Variants in CMSS1 observed in about 807,000 individuals in gnomAD.
CMSS1 encodes the protein cms1 ribosomal small subunit homolog.
Under a neutral mutation model 43.5 loss-of-function variants are expected in CMSS1, and 33 were observed. The ratio of observed to expected loss-of-function variants is 0.76; its 90% CI spans 0.57 to 1.01. CMSS1 has a LOEUF of 1.01. Ranked by LOEUF, CMSS1 falls within the 50% of genes least tolerant of loss-of-function variation. The pLI, the probability that CMSS1 is intolerant of heterozygous loss-of-function variation, is 0.00. For missense variants in CMSS1, 313 were observed against 326.4 expected (o/e 0.96, Z 0.32); for synonymous variants, 115 against 117.2 (o/e 0.98, Z 0.12).
chr3:100,057,137 G>C (rs2065478910), intron 1 of CMSS1, among the ~76,000 whole-genome samples: 1 of 152,218 alleles, frequency 6.6e-6, no homozygotes, highest in East Asian at 1.9e-4. Flanking sequence ...AAGCTCTGGT[G>C]CTGGCAGAGC....
At position 100,094,822 on chromosome 3, in the gene CMSS1, T is replaced by C. The variant is rs533752201; in HGVS notation, c.65-52151T>C. ...CCTCAGCCTCCCAAGTAGCTGGGAC[T>C]ACAGGCACCTGCCACCACACCTGGC... is the stretch of plus-strand genomic sequence containing the variant. On this transcript the variant is annotated intron_variant, in intron 1 of 9. Coordinates refer to ENST00000421999, the MANE Select transcript of CMSS1 (RefSeq NM_032359.4). 1.4e-4 allele frequency among the ~76,000 whole-genome samples: 21 copies of C among 152,032 alleles called. No individual in the cohort carries two copies. The East Asian group carries it at 2.9e-3, about 21-fold the overall frequency.
At chr3:100,144,253 C>G (rs1473959779) in intron 1 of CMSS1, among the ~76,000 whole-genome samples, 3 of 152,140 alleles carry the variant, frequency 2.0e-5, no homozygotes, top group East Asian at 3.8e-4. Context: ...CTCTATGTAG[C>G]CTTTTTAATG....
At chr3:99,819,135 G>A (rs781702709) in intron 1 of CMSS1, among the ~76,000 whole-genome samples, 6 of 152,272 alleles carry the variant, frequency 3.9e-5, no homozygotes, top group East Asian at 1.9e-4. Flanking sequence ...CATTGTTTCC[G>A]GAAGGTCAAG....
intron 1 of CMSS1, among the ~76,000 whole-genome samples, chr3:100,009,508 GA>G (rs140245482): frequency 0.084 from 12,815 of 152,082 alleles, 723 homozygotes; most frequent in Middle Eastern, 0.19. Flanking sequence ...CGGTATAGGG[GA>G]AACTTTCGTC....
chr3:99,973,810 A>G (rs1236854901), intron 1 of CMSS1, among the ~76,000 whole-genome samples: 1 of 152,128 alleles, frequency 6.6e-6, no homozygotes, highest in Non-Finnish European at 1.5e-5. Context: ...GATGTTAAAT[A>G]CCTCTATTCC....
intron 1 of CMSS1, among the ~76,000 whole-genome samples, chr3:100,041,965 T>G (rs571128359): frequency 6.6e-6 from 1 of 152,198 alleles, no homozygotes; most frequent in African/African-American, 2.4e-5. Context: ...ACAGGGACCA[T>G]TGCCATTCCT....
At chr3:100,013,483 G>T (rs188802377) in intron 1 of CMSS1, among the ~76,000 whole-genome samples, 9 of 151,646 alleles carry the variant, frequency 5.9e-5, no homozygotes, top group African/African-American at 2.2e-4. Flanking sequence ...ACCTCAGGTG[G>T]TCCATCCACC....
At chr3:99,906,276 G>A (rs1706615558) in intron 1 of CMSS1, among the ~76,000 whole-genome samples, 2 of 152,122 alleles carry the variant, frequency 1.3e-5, no homozygotes. Flanking sequence ...GTATTTCCCT[G>A]ATGATTTATA....
At chr3:99,951,648 A>G (rs565767803) in intron 1 of CMSS1, among the ~76,000 whole-genome samples, 143 of 152,240 alleles carry the variant, frequency 9.4e-4, no homozygotes, top group African/African-American at 3.3e-3. Context: ...CCACATATAC[A>G]CAGTCCCCAC....
intron 1 of CMSS1, among the ~76,000 whole-genome samples, chr3:99,905,805 A>G (rs1706597331): frequency 6.6e-6 from 1 of 152,242 alleles, no homozygotes; most frequent in South Asian, 2.1e-4. Context: ...ATTAATGGAA[A>G]TGCAACTTCA....
intron 1 of CMSS1, among the ~76,000 whole-genome samples, chr3:100,128,495 A>G (rs1240330687): frequency 6.6e-6 from 1 of 152,264 alleles, no homozygotes; most frequent in African/African-American, 2.4e-5. Context: ...GCTGTGAAAG[A>G]CAAGCCAATA....
chr3:99,865,293 G>T (rs553624853), intron 1 of CMSS1, among the ~76,000 whole-genome samples: 2 of 152,296 alleles, frequency 1.3e-5, no homozygotes, highest in Admixed American at 1.3e-4. Context: ...CAGAATGCCA[G>T]TGTAGTTTTT....
At chr3:100,017,851 A>G (rs1208751858) in intron 1 of CMSS1, among the ~76,000 whole-genome samples, 2 of 151,784 alleles carry the variant, frequency 1.3e-5, no homozygotes, top group Non-Finnish European at 2.9e-5. Flanking sequence ...AATCTCTACC[A>G]TCAGCTTTCT....
At chr3:99,901,329 T>C (rs1400030313) in intron 1 of CMSS1, among the ~76,000 whole-genome samples, 1 of 152,212 alleles carries the variant, frequency 6.6e-6, no homozygotes, top group African/African-American at 2.4e-5. Flanking sequence ...TATTTATTTC[T>C]AATGTTTATG....
At chr3:100,094,760 G>A (rs186608560) in intron 1 of CMSS1, among the ~76,000 whole-genome samples, 23 of 141,984 alleles carry the variant, frequency 1.6e-4, no homozygotes, top group African/African-American at 5.4e-4. Context: ...CTCGGCTCAC[G>A]GCAAGCTCTG....
At chr3:100,117,828 TATATATATATATATATATATATATAC>T (rs60919979) in intron 1 of CMSS1, among the ~76,000 whole-genome samples, 36 of 77,338 alleles carry the variant, frequency 4.7e-4, no homozygotes, top group Middle Eastern at 4.9e-3. Flanking sequence ...AACTGCAGTA[TATATATATATATATATATATATATAC>T]ATATATATAT....
chr3:99,935,265 C>CAAA (rs34961153), intron 1 of CMSS1, among the ~76,000 whole-genome samples: 10 of 143,916 alleles, frequency 6.9e-5, no homozygotes, highest in East Asian at 4.0e-4. Context: ...TTCAGGGTAC[C>CAAA]AAAAAAAAAA....
rs2067168201 is a variant in CMSS1 at position 100,178,832 on chromosome 3, G to C, written c.*444G>C. ...TCTGAGGCATGGTCCCAGCAAAAAG[G>C]GTGGCAGGTATATTAATCCATTCTC... On this transcript the variant is annotated 3_prime_UTR_variant, in exon 10 of 10. Transcript: ENST00000421999. The C allele has an allele frequency of 6.3e-6, 1 of 158,590 alleles. No homozygotes were observed. The highest frequency in any genetic ancestry group is 6.0e-5 in the Admixed American group (1 of 16,662). The allele number at this position is 158,590 out of a possible 1,614,324, so 9.8% of individuals were successfully genotyped here.
intron 1 of CMSS1, among the ~76,000 whole-genome samples, chr3:100,063,028 A>T (rs981342089): frequency 2.6e-5 from 4 of 152,258 alleles, no homozygotes; most frequent in African/African-American, 9.6e-5. Context: ...GTTCTCAGGC[A>T]TCCTCAAGAT....
Sources: allele counts gnomAD v4.1 joint callset (sites outside exome capture counted in the v4.1 genomes callset), GRCh38; gene constraint gnomAD v4.1.1; transcripts MANE v1.5; gene names NCBI Gene and HGNC (gene_info 2026-07-23, HGNC 2026-07-21).